NF2: variants seen among roughly 807,000 people sequenced by gnomAD.
The protein encoded by NF2 is merlin.
A neutral mutation model predicts 83.7 loss-of-function variants in NF2; 8 were observed. That is an observed-to-expected ratio of 0.10 (90% CI 0.06 to 0.17). NF2 has a LOEUF of 0.17. Ranked by LOEUF, NF2 falls within the 10% of genes least tolerant of loss-of-function variation. The pLI, the probability that NF2 is intolerant of heterozygous loss-of-function variation, is 1.00. For missense variants in NF2, 533 were observed against 744.4 expected (o/e 0.72, Z 3.31); for synonymous variants, 266 against 269.6 (o/e 0.99, Z 0.13).
intron 1 of NF2, 91 bp downstream of exon 1, chr22:29,604,203 G>A: frequency 9.1e-7 from 1 of 1,093,892 alleles, no homozygotes; most frequent in Non-Finnish European, 1.4e-6. Flanking sequence ...TGTAGCTAGA[G>A]ACGGGCAGAA....
chr22:29,693,508 G>A (rs992400762), intron 15 of NF2, among the ~76,000 whole-genome samples: 1 of 152,066 alleles, frequency 6.6e-6, no homozygotes, highest in African/African-American at 2.4e-5. Flanking sequence ...CCTTTATGGA[G>A]CCGCCGATAG....
At chr22:29,615,818 C>G (rs2146730771) in intron 1 of NF2, among the ~76,000 whole-genome samples, 1 of 152,280 alleles carries the variant, frequency 6.6e-6, no homozygotes, top group Non-Finnish European at 1.5e-5. Context: ...ATTCAACTTA[C>G]AGATGTCTTC....
intron 1 of NF2, among the ~76,000 whole-genome samples, chr22:29,610,568 G>A (rs1213851560): frequency 2.0e-5 from 3 of 151,646 alleles, no homozygotes; most frequent in African/African-American, 2.4e-5. Flanking sequence ...GCTTGAACCC[G>A]GGAAGTTGGA....
At chr22:29,655,228 C>G (rs894146884) in intron 5 of NF2, among the ~76,000 whole-genome samples, 10 of 152,202 alleles carry the variant, frequency 6.6e-5, no homozygotes, top group African/African-American at 2.4e-4. Context: ...TTTCTCACCT[C>G]TCACTCTCTT....
intron 15 of NF2, among the ~76,000 whole-genome samples, chr22:29,693,269 G>T (rs551726270): frequency 1.3e-5 from 2 of 152,278 alleles, no homozygotes; most frequent in South Asian, 4.1e-4. Context: ...AGGCAAAAAA[G>T]CGCTCTCCAT....
At position 29,636,816 on chromosome 22, in the gene NF2, G is replaced by C. The variant is rs780872661; in HGVS notation, c.180G>C (p.Trp60Cys). ...VCRTLGLRETWFFGLQYTIKD... is the reference protein window; with the variant it reads ...VCRTLGLRETCFFGLQYTIKD... ...GGACTCTGGGGCTCCGAGAAACCTG[G>C]TTCTTTGGACTGCAGTACACAATCA... Residue 60 changes from tryptophan (W) to cysteine (C), a missense_variant, in exon 2 of 16, where the codon TGG becomes TGC. Physicochemically the swap from Trp to Cys is radical, Grantham distance 215. This residue lies in a region of NF2 where 326 missense variants were observed against 475.1 expected (regional missense o/e 0.69). Transcript: ENST00000338641. The surrounding 1 kb of genome is among the most constrained non-coding windows in gnomAD (Gnocchi z 4.4). 1 of 1,614,184 alleles carries C rather than the reference G, an allele frequency of 6.2e-7. No homozygotes were observed. The highest frequency in any genetic ancestry group is 1.1e-5 in the South Asian group (1 of 91,078).
chr22:29,648,155 TAAATAAATA>T (rs1435565191), intron 4 of NF2, among the ~76,000 whole-genome samples: 1 of 149,050 alleles, frequency 6.7e-6, no homozygotes, highest in Non-Finnish European at 1.5e-5. Flanking sequence ...AATAAATAAA[TAAATAAATA>T]AAGTAAAAAA....
chr22:29,622,923 G>C (rs2065252499), intron 1 of NF2, among the ~76,000 whole-genome samples: 1 of 149,890 alleles, frequency 6.7e-6, no homozygotes, highest in African/African-American at 2.5e-5. Flanking sequence ...CAAAGTGCTG[G>C]GATTACAGGC....
chr22:29,607,617 AC>A (rs1162835915), intron 1 of NF2, among the ~76,000 whole-genome samples: 3 of 152,232 alleles, frequency 2.0e-5, no homozygotes, highest in Non-Finnish European at 4.4e-5. Context: ...TGTGAGACGT[AC>A]AAAGAAACAG....
chr22:29,648,884 C>G (rs1458634965), intron 4 of NF2, among the ~76,000 whole-genome samples: 4 of 152,208 alleles, frequency 2.6e-5, no homozygotes, highest in Non-Finnish European at 5.9e-5. Context: ...ATCACTGCAC[C>G]TGACCCCAGC....
intron 15 of NF2, among the ~76,000 whole-genome samples, chr22:29,692,877 G>A (rs1042282807): frequency 6.6e-6 from 1 of 152,178 alleles, no homozygotes; most frequent in African/African-American, 2.4e-5. Context: ...GTCACCCCAC[G>A]AGGAAGGGGC....
At chr22:29,635,536 G>T in intron 1 of NF2, among the ~76,000 whole-genome samples, 1 of 151,974 alleles carries the variant, frequency 6.6e-6, no homozygotes, top group East Asian at 1.9e-4. Context: ...CACCATGTTG[G>T]CCAGGATGGT....
rs1313223440 is a variant in NF2 at position 29,644,514 on chromosome 22, G to A, written c.447+2229G>A. 5.3e-5 allele frequency among the ~76,000 whole-genome samples: 8 copies of A among 151,774 alleles called. No individual in the cohort carries two copies. In the South Asian group the frequency reaches 8.4e-4, roughly 16 times the overall value. ...CAGAGACGCTCCTCACTTCCCAGAC[G>A]GGGTGGCGGCCGGGCAGAGGCTGCA... On this transcript the variant is annotated intron_variant, in intron 4 of 15. Transcript: ENST00000338641.
chr22:29,610,235 A>C (rs771759603), intron 1 of NF2, among the ~76,000 whole-genome samples: 13 of 152,112 alleles, frequency 8.5e-5, no homozygotes, highest in Non-Finnish European at 1.6e-4. Context: ...AGTCCCAGCT[A>C]CTCAGGAGGT....
At position 29,658,268 on chromosome 22, in the gene NF2, T is replaced by C. The variant is rs1306740609; in HGVS notation, c.675+4T>C. The C allele has an allele frequency of 2.5e-6, 4 of 1,613,788 alleles. 1 individual carries two copies. In the Admixed American group the frequency reaches 6.7e-5, roughly 27 times the overall value. On this transcript the variant is annotated splice_donor_region_variant and intron_variant, in intron 7 of 15. Transcript: ENST00000338641. The stretch of plus-strand genomic sequence containing the variant: ...TGTGAACTACTTTGCAATCCGGGTG[T>C]GTTGAAACCTCTCTGAGCTCCTTGT...
intron 1 of NF2, among the ~76,000 whole-genome samples, chr22:29,628,831 A>G (rs890525207): frequency 3.9e-5 from 6 of 151,942 alleles, no homozygotes; most frequent in Non-Finnish European, 5.9e-5. Context: ...GGGTTTCACC[A>G]TGTTGGCCAG....
At chr22:29,655,464 A>G (rs748734683) in intron 5 of NF2, 130 bp from the exon 6 acceptor site, 13 of 735,894 alleles carry the variant, frequency 1.8e-5, no homozygotes, top group East Asian at 2.7e-5. Flanking sequence ...CTGTGTGACT[A>G]TCTCCCTGGG....
intron 1 of NF2, among the ~76,000 whole-genome samples, chr22:29,618,407 T>C (rs1362710565): frequency 6.6e-6 from 1 of 152,234 alleles, no homozygotes; most frequent in East Asian, 1.9e-4. Context: ...GCATTTAACA[T>C]ATGAGTCATG....
intron 4 of NF2, among the ~76,000 whole-genome samples, chr22:29,654,209 C>G (rs1569293014): frequency 1.3e-5 from 2 of 152,210 alleles, no homozygotes; most frequent in Non-Finnish European, 2.9e-5. Context: ...GGTATTAAAA[C>G]TACTGCCTGC....
Sources: allele counts gnomAD v4.1 joint callset (sites outside exome capture counted in the v4.1 genomes callset), GRCh38; gene constraint gnomAD v4.1.1; regional missense constraint gnomAD v4.1.1; non-coding constraint Gnocchi (gnomAD v3.1); transcripts MANE v1.5; gene names NCBI Gene and HGNC (gene_info 2026-07-23, HGNC 2026-07-21).